The following SGCD variants were observed in gnomAD, a reference collection of about 807,000 sequenced individuals.
The protein encoded by SGCD is delta-sarcoglycan.
In SGCD, 18 loss-of-function variants were observed where a neutral mutation model predicts 36.6. The ratio of observed to expected loss-of-function variants is 0.49; its 90% CI spans 0.34 to 0.73. SGCD has a LOEUF of 0.73. SGCD is among the 30% of genes least tolerant of loss of function. The pLI is 0.01. For synonymous variants in SGCD, 133 were observed against 130.6 expected (o/e 1.02, Z -0.12); for missense variants, 387 against 346.7 (o/e 1.12, Z -0.92).
chr5:156,232,964 G>C (rs1316744168), intron 3 of SGCD, among the ~76,000 whole-genome samples: 1 of 152,146 alleles, frequency 6.6e-6, no homozygotes, highest in Admixed American at 6.5e-5. Flanking sequence ...CTCATCTCTA[G>C]TGTATGGTAG....
chr5:156,464,404 T>C (rs1754635123), intron 3 of SGCD, among the ~76,000 whole-genome samples: 1 of 152,058 alleles, frequency 6.6e-6, no homozygotes, highest in African/African-American at 2.4e-5. Context: ...GTATATTTAA[T>C]AGAGACAGGG....
chr5:156,034,651 A>T (rs1759443984), intron 1 of SGCD, among the ~76,000 whole-genome samples: 1 of 152,172 alleles, frequency 6.6e-6, no homozygotes. Context: ...CAGGATGTGA[A>T]ATTTCCAGTA....
At chr5:156,378,121 GATAA>G (rs1244745425) in intron 3 of SGCD, among the ~76,000 whole-genome samples, 9 of 152,082 alleles carry the variant, frequency 5.9e-5, no homozygotes, top group African/African-American at 1.9e-4. Context: ...CAGATGAATG[GATAA>G]ATAAAATGTG....
chr5:155,981,889 C>A (rs58134933), intron 1 of SGCD, among the ~76,000 whole-genome samples: 1 of 152,086 alleles, frequency 6.6e-6, no homozygotes, highest in Non-Finnish European at 1.5e-5. Context: ...GAGATCAAGA[C>A]CTTTTAGGGT....
At position 155,890,638 on chromosome 5, in the gene SGCD, TGATAGATAGATA is replaced by T. The variant is rs34093451; in HGVS notation, c.-282+20245_-282+20256del. Among the ~76,000 whole-genome samples, 740 of 143,544 alleles carry T rather than the reference TGATAGATAGATA, an allele frequency of 5.2e-3. 6 individuals are homozygous for T. Among genetic ancestry groups the T allele is most frequent in the South Asian group, 0.022 (94 of 4,270 alleles). 94.2% of individuals were successfully genotyped at this position (143,544 alleles called of 152,430 possible). On this transcript the variant is annotated intron_variant, in intron 1 of 9. Coordinates refer to the SGCD transcript ENST00000517913. ...ATAGGTAGGTAAGTAGATAGACAGA[TGATAGATAGATA>T]GATAGATAGATAGATAGATAGATAG...
chr5:155,993,533 T>C (rs1227827198), intron 1 of SGCD, among the ~76,000 whole-genome samples: 1 of 151,898 alleles, frequency 6.6e-6, no homozygotes, highest in African/African-American at 2.4e-5. Flanking sequence ...TTAGTAGAGA[T>C]GGAGTTTCGC....
At chr5:156,705,254 T>C (rs903219188) in intron 7 of SGCD, among the ~76,000 whole-genome samples, 2 of 152,190 alleles carry the variant, frequency 1.3e-5, no homozygotes, top group African/African-American at 4.8e-5. Flanking sequence ...CTTGTGATAA[T>C]AGAAATAAGG....
At chr5:155,932,598 C>A (rs559037071) in intron 1 of SGCD, among the ~76,000 whole-genome samples, 1 of 152,318 alleles carries the variant, frequency 6.6e-6, no homozygotes, top group Non-Finnish European at 1.5e-5. Flanking sequence ...TAACACAATT[C>A]AGTCCATACA....
chr5:156,374,800 A>G (rs1288870831), intron 3 of SGCD, among the ~76,000 whole-genome samples: 1 of 151,810 alleles, frequency 6.6e-6, no homozygotes, highest in Admixed American at 6.6e-5. Context: ...TTTGCCCCTG[A>G]CATGCTGACA....
At chr5:155,955,961 G>A (rs920213951) in intron 1 of SGCD, among the ~76,000 whole-genome samples, 6 of 152,194 alleles carry the variant, frequency 3.9e-5, no homozygotes, top group South Asian at 4.1e-4. Flanking sequence ...TAAGATTGGC[G>A]ATGAGCACAA....
At chr5:156,708,347 G>A (rs1253882407) in intron 7 of SGCD, among the ~76,000 whole-genome samples, 2 of 151,784 alleles carry the variant, frequency 1.3e-5, no homozygotes, top group African/African-American at 4.8e-5. Context: ...GATACTGCTG[G>A]AGAGGTGATC....
chr5:156,592,709 C>T (rs1760773048), intron 5 of SGCD, among the ~76,000 whole-genome samples: 1 of 152,126 alleles, frequency 6.6e-6, no homozygotes, highest in African/African-American at 2.4e-5. Flanking sequence ...CATTTGTTCT[C>T]CTCATCTGCA....
chr5:156,607,667 A>G (rs1180826334), intron 6 of SGCD, among the ~76,000 whole-genome samples: 3 of 151,046 alleles, frequency 2.0e-5, no homozygotes, highest in Non-Finnish European at 4.4e-5. Flanking sequence ...CTGTGAATCC[A>G]TCTGGTCCTG....
At chr5:156,188,706 T>G (rs1763822745) in intron 3 of SGCD, among the ~76,000 whole-genome samples, 1 of 141,220 alleles carries the variant, frequency 7.1e-6, no homozygotes, top group Non-Finnish European at 1.5e-5. Context: ...CCTCTCTACA[T>G]GCACAAGATG....
the SGCD span, among the ~76,000 whole-genome samples, chr5:155,766,273 C>G: frequency 6.6e-6 from 1 of 152,172 alleles, no homozygotes; most frequent in Non-Finnish European, 1.5e-5. Context: ...CCCATGTACA[C>G]TTGAACAGCT....
At chr5:156,052,830 G>A (rs1246581400) in intron 1 of SGCD, among the ~76,000 whole-genome samples, 2 of 146,440 alleles carry the variant, frequency 1.4e-5, no homozygotes, top group Non-Finnish European at 3.1e-5. Context: ...ATTAACTTGG[G>A]CACAGGGATA....
chr5:155,789,183 G>A, the SGCD span, among the ~76,000 whole-genome samples: 10 of 152,070 alleles, frequency 6.6e-5, no homozygotes, highest in African/African-American at 2.2e-4. Flanking sequence ...AATGATACAC[G>A]GTCGTGTTGC....
At chr5:156,158,677 C>A (rs1001476743) in intron 3 of SGCD, among the ~76,000 whole-genome samples, 6 of 151,522 alleles carry the variant, frequency 4.0e-5, no homozygotes, top group Non-Finnish European at 8.8e-5. Flanking sequence ...ATAGAGAAGG[C>A]AAGAGTCAAT....
At chr5:155,898,099 T>A (rs972104017) in intron 1 of SGCD, among the ~76,000 whole-genome samples, 2 of 152,248 alleles carry the variant, frequency 1.3e-5, no homozygotes, top group Non-Finnish European at 2.9e-5. Flanking sequence ...ACACATTATA[T>A]CCCTTTCTCC....
Sources: allele counts gnomAD v4.1 joint callset (sites outside exome capture counted in the v4.1 genomes callset), GRCh38; gene constraint gnomAD v4.1.1; transcripts MANE v1.5; gene names NCBI Gene and HGNC (gene_info 2026-07-23, HGNC 2026-07-21).